Variants in BST1 observed in about 807,000 individuals in gnomAD.
The protein encoded by BST1 is ADP-ribosyl cyclase/cyclic ADP-ribose hydrolase 2.
Under a neutral mutation model 40.6 loss-of-function variants are expected in BST1, and 49 were observed. That is an observed-to-expected ratio of 1.21 (90% CI 0.96 to 1.53). BST1 has a LOEUF of 1.53. BST1 is among the 40% of genes most tolerant of loss of function. The pLI, the probability that BST1 is intolerant of heterozygous loss-of-function variation, is 0.00. For synonymous variants in BST1, 157 were observed against 159.3 expected (o/e 0.99, Z 0.11); for missense variants, 423 against 395.9 (o/e 1.07, Z -0.58).
the BST1 span, among the ~76,000 whole-genome samples, chr4:15,745,598 G>A: frequency 2.0e-5 from 3 of 152,148 alleles, no homozygotes; most frequent in African/African-American, 7.2e-5. Flanking sequence ...TCAAAATCAA[G>A]AGCCTTCTGA....
At chr4:15,703,418 C>G (rs2148873698) in intron 1 of BST1, 86 bp downstream of exon 1, 4 of 1,413,020 alleles carry the variant, frequency 2.8e-6, no homozygotes, top group East Asian at 2.9e-5. Context: ...CGCTAAAGTT[C>G]GGGGTGAGGG....
downstream of BST1, among the ~76,000 whole-genome samples, chr4:15,737,248 A>G (rs1017065144): frequency 6.6e-6 from 1 of 152,256 alleles, no homozygotes; most frequent in South Asian, 2.1e-4. Flanking sequence ...TCTAAACACC[A>G]TCTGCAATAC....
chr4:15,750,184 C>T, the BST1 span, among the ~76,000 whole-genome samples: 1 of 152,040 alleles, frequency 6.6e-6, no homozygotes, highest in East Asian at 1.9e-4. Flanking sequence ...ACCACTATGC[C>T]CAGCTAATTT....
downstream of BST1, among the ~76,000 whole-genome samples, chr4:15,736,414 G>A (rs115292072): frequency 5.3e-3 from 813 of 152,096 alleles, 6 homozygotes; most frequent in African/African-American, 0.019. Flanking sequence ...GAGGTCAGGA[G>A]CCCTGGACAA....
chr4:15,733,268 T>C (rs962604402), downstream of BST1, among the ~76,000 whole-genome samples: 2 of 152,116 alleles, frequency 1.3e-5, no homozygotes, highest in African/African-American at 4.8e-5. Context: ...AGAGTGCTGA[T>C]TGGTGTGTTT....
At position 15,704,920 on chromosome 4, in the gene BST1, G is replaced by T. The variant is rs1278641772; in HGVS notation, c.189-595G>T. Reference sequence around the variant, plus strand: ...TCATTTTTATTGTCGCACATTTCAGGCAAATAAGAAACAGCAGAGAACCAC... The same window carrying T: ...TCATTTTTATTGTCGCACATTTCAGTCAAATAAGAAACAGCAGAGAACCAC... On this transcript the variant is annotated intron_variant, in intron 1 of 8. Coordinates refer to ENST00000265016, the MANE Select transcript of BST1 (RefSeq NM_004334.3). 4 of 774,126 alleles carry T rather than the reference G, an allele frequency of 5.2e-6. No individual in the cohort carries two copies. In the South Asian group the frequency reaches 5.4e-5, roughly 11 times the overall value. 48.0% of individuals were successfully genotyped at this position (774,126 alleles called of 1,614,324 possible).
chr4:15,771,748 C>T, the BST1 span, among the ~76,000 whole-genome samples: 1 of 152,346 alleles, frequency 6.6e-6, no homozygotes, highest in Admixed American at 6.5e-5. Flanking sequence ...AGGAAGTCCA[C>T]TTTTAGGAGT....
intron 3 of BST1, among the ~76,000 whole-genome samples, chr4:15,708,612 C>T (rs1219842597): frequency 6.6e-6 from 1 of 152,096 alleles, no homozygotes; most frequent in Non-Finnish European, 1.5e-5. Flanking sequence ...GGCATGGTAG[C>T]TCACGCTTGT....
chr4:15,755,952 C>G, the BST1 span, among the ~76,000 whole-genome samples: 1 of 152,178 alleles, frequency 6.6e-6, no homozygotes, highest in African/African-American at 2.4e-5. Flanking sequence ...CTCCACAGGG[C>G]AAGTACCATG....
At chr4:15,762,188 CAAAAAAAAAAAAA>C in the BST1 span, among the ~76,000 whole-genome samples, 7 of 61,266 alleles carry the variant, frequency 1.1e-4, no homozygotes, top group African/African-American at 4.3e-4. Context: ...GACTCCATCT[CAAAAAAAAAAAAA>C]AAAAAAAAAA....
intron 1 of BST1, among the ~76,000 whole-genome samples, 156 bp downstream of exon 1, chr4:15,703,488 A>T: frequency 6.9e-6 from 1 of 145,350 alleles, no homozygotes; most frequent in Non-Finnish European, 1.5e-5. Flanking sequence ...GTCCTGAACG[A>T]TGGGGGCGAG....
the BST1 span, among the ~76,000 whole-genome samples, chr4:15,768,497 T>TC: frequency 6.9e-6 from 1 of 145,066 alleles, no homozygotes; most frequent in South Asian, 2.3e-4. Flanking sequence ...TTTTTTTTTT[T>TC]TTTTTTTGAG....
intron 6 of BST1, among the ~76,000 whole-genome samples, chr4:15,716,059 G>A (rs1460220983): frequency 6.6e-6 from 1 of 152,188 alleles, no homozygotes; most frequent in Non-Finnish European, 1.5e-5. Context: ...GACCTTGGTA[G>A]CTTTGGATGG....
chr4:15,745,656 CTGCCTT>C, the BST1 span, among the ~76,000 whole-genome samples: 42 of 152,280 alleles, frequency 2.8e-4, no homozygotes, highest in African/African-American at 1.0e-3. Flanking sequence ...GTGGCTTGTG[CTGCCTT>C]CAAAATCCAG....
the BST1 span, among the ~76,000 whole-genome samples, chr4:15,752,171 A>G: frequency 6.6e-6 from 1 of 152,158 alleles, no homozygotes; most frequent in Non-Finnish European, 1.5e-5. Context: ...TAAATGGGCA[A>G]TTGTGCATAT....
the BST1 span, among the ~76,000 whole-genome samples, chr4:15,746,331 T>C: frequency 6.6e-6 from 1 of 152,246 alleles, no homozygotes; most frequent in Admixed American, 6.5e-5. Flanking sequence ...TGCATTACAC[T>C]TGTGTCTTAG....
chr4:15,723,827 T>C (rs1326449739), intron 8 of BST1, among the ~76,000 whole-genome samples: 1 of 152,062 alleles, frequency 6.6e-6, no homozygotes, highest in East Asian at 1.9e-4. Flanking sequence ...ATGCTAGGAG[T>C]GCCCATTCTC....
At chr4:15,729,413 T>G (rs9790554) in intron 8 of BST1, among the ~76,000 whole-genome samples, 2 of 152,072 alleles carry the variant, frequency 1.3e-5, no homozygotes, top group African/African-American at 4.8e-5. Flanking sequence ...GCTGTAGTCA[T>G]GCCACTGCAC....
At chr4:15,757,258 CT>C in the BST1 span, among the ~76,000 whole-genome samples, 3 of 152,188 alleles carry the variant, frequency 2.0e-5, no homozygotes, top group African/African-American at 7.2e-5. Flanking sequence ...CGCGGGACCC[CT>C]GTGCCAACGT....
Sources: allele counts gnomAD v4.1 joint callset (sites outside exome capture counted in the v4.1 genomes callset), GRCh38; gene constraint gnomAD v4.1.1; transcripts MANE v1.5; gene names NCBI Gene and HGNC (gene_info 2026-07-23, HGNC 2026-07-21).